SLC39A11: variants seen among roughly 807,000 people sequenced by gnomAD.
SLC39A11 encodes the protein solute carrier family 39 member 11.
A neutral mutation model predicts 36.1 loss-of-function variants in SLC39A11; 33 were observed. That is an observed-to-expected ratio of 0.91 (90% confidence interval 0.69 to 1.22). The LOEUF is 1.22. Ranked by LOEUF, SLC39A11 falls within the 50% of genes most tolerant of loss-of-function variation. SLC39A11 has a pLI of 0.00. For missense variants in SLC39A11, 432 were observed against 430.3 expected (o/e 1.00, Z -0.03); for synonymous variants, 166 against 170.3 (o/e 0.97, Z 0.20).
intron 6 of SLC39A11, among the ~76,000 whole-genome samples, chr17:72,769,776 C>A (rs2075872819): frequency 6.6e-6 from 1 of 152,144 alleles, no homozygotes; most frequent in Admixed American, 6.5e-5. Flanking sequence ...ATCTTTTGAC[C>A]TTGTGATCTG....
intron 5 of SLC39A11, among the ~76,000 whole-genome samples, chr17:72,868,618 C>CAAAAAAA (rs71354894): frequency 6.2e-4 from 35 of 56,470 alleles, no homozygotes; most frequent in Non-Finnish European, 8.3e-4. Context: ...CCTGTCTCTA[C>CAAAAAAA]AAAAAAAAAA....
intron 3 of SLC39A11, among the ~76,000 whole-genome samples, chr17:73,079,369 T>C (rs564323287): frequency 6.6e-6 from 1 of 152,298 alleles, no homozygotes; most frequent in Admixed American, 6.5e-5. Context: ...AGTGCTGGGA[T>C]TACAGGCATA....
At chr17:72,677,753 T>C (rs2071335999) in intron 7 of SLC39A11, among the ~76,000 whole-genome samples, 1 of 152,030 alleles carries the variant, frequency 6.6e-6, no homozygotes, top group Non-Finnish European at 1.5e-5. Context: ...CTCCCTCAAT[T>C]TTGGTCCTCC....
At chr17:72,780,298 A>T (rs1598702542) in intron 6 of SLC39A11, among the ~76,000 whole-genome samples, 1 of 151,886 alleles carries the variant, frequency 6.6e-6, no homozygotes, top group African/African-American at 2.4e-5. Flanking sequence ...TGGTGTAAAC[A>T]CCCTGGCCTC....
chr17:73,022,595 TAAAAAAAAAAA>T (rs10675859), intron 4 of SLC39A11, among the ~76,000 whole-genome samples: 6 of 56,764 alleles, frequency 1.1e-4, no homozygotes, highest in East Asian at 6.7e-4. Context: ...AACTCCATCT[TAAAAAAAAAAA>T]AAAAAAAAAA....
At chr17:73,009,287 T>C (rs1345544453) in intron 4 of SLC39A11, among the ~76,000 whole-genome samples, 1 of 146,656 alleles carries the variant, frequency 6.8e-6, no homozygotes, top group Non-Finnish European at 1.5e-5. Flanking sequence ...GAGAATGGCG[T>C]GAGCTTGCAG....
chr17:72,888,730 C>T (rs1034053158), intron 5 of SLC39A11, among the ~76,000 whole-genome samples: 1 of 151,872 alleles, frequency 6.6e-6, no homozygotes, highest in Non-Finnish European at 1.5e-5. Flanking sequence ...AGCAAGACTC[C>T]ATCTCGATAA....
Position 72,940,884 on chromosome 17 carries a change from A to T in SLC39A11, c.430+6868T>A, listed in dbSNP as rs182432300. Among the ~76,000 whole-genome samples the T allele has an allele frequency of 1.4e-4, 22 of 152,296 alleles. No homozygotes were observed. The East Asian group carries it at 3.1e-3, about 21-fold the overall frequency. ...AAGTCCTAACGCCCAGTACCTAAGA[A>T]TGTAACTGTAAGGGAGATAGGATTT... On this transcript the variant is annotated intron_variant, in intron 5 of 9. Coordinates refer to ENST00000255559, the MANE Select transcript of SLC39A11 (RefSeq NM_139177.4).
intron 5 of SLC39A11, among the ~76,000 whole-genome samples, chr17:72,929,076 C>A (rs551827399): frequency 7.9e-5 from 12 of 152,072 alleles, no homozygotes; most frequent in African/African-American, 2.9e-4. Context: ...GCAAAGGTAC[C>A]CCTTCCTCTA....
rs2074602889 is a variant in SLC39A11, at chr17:72,739,959, A to G, written c.602-3240T>C. ...TCAATTGACACATATTTTGTGTGCT[A>G]TATATATTATATACAGTATTCTTAC... On this transcript the variant is annotated intron_variant, in intron 6 of 9. Coordinates refer to ENST00000255559, the MANE Select transcript of SLC39A11 (RefSeq NM_139177.4). Among the ~76,000 whole-genome samples, 3 of 151,538 alleles carry G rather than the reference A, an allele frequency of 2.0e-5. 1 individual carries two copies. In the South Asian group the frequency reaches 6.2e-4, roughly 31 times the overall value.
chr17:72,678,360 T>C (rs1156685501), intron 7 of SLC39A11, among the ~76,000 whole-genome samples: 1 of 151,862 alleles, frequency 6.6e-6, no homozygotes, highest in Non-Finnish European at 1.5e-5. Flanking sequence ...ACTAAAGAAA[T>C]GTGTAAGAGA....
intron 7 of SLC39A11, among the ~76,000 whole-genome samples, chr17:72,667,617 C>G (rs946117344): frequency 3.3e-5 from 5 of 152,158 alleles, no homozygotes; most frequent in Non-Finnish European, 5.9e-5. Context: ...TTTGCATATG[C>G]TACCAATGCT....
chr17:72,953,671 G>T (rs995984343), intron 4 of SLC39A11, among the ~76,000 whole-genome samples: 1 of 152,182 alleles, frequency 6.6e-6, no homozygotes, highest in African/African-American at 2.4e-5. Flanking sequence ...TACAAAGCAC[G>T]TTGGGTGTCA....
At chr17:72,832,906 G>C (rs142005958) in intron 6 of SLC39A11, among the ~76,000 whole-genome samples, 1 of 152,156 alleles carries the variant, frequency 6.6e-6, no homozygotes, top group Admixed American at 6.5e-5. Flanking sequence ...GGGAAAAATG[G>C]GGCCACCTCA....
chr17:72,761,170 A>G (rs1386471989), intron 6 of SLC39A11, among the ~76,000 whole-genome samples: 1 of 152,082 alleles, frequency 6.6e-6, no homozygotes, highest in Non-Finnish European at 1.5e-5. Context: ...ACTGGAGTGC[A>G]GTGGCATGAT....
intron 3 of SLC39A11, among the ~76,000 whole-genome samples, chr17:73,083,535 C>T (rs34681720): frequency 0.14 from 21,008 of 152,080 alleles, 1,665 homozygotes; most frequent in South Asian, 0.3. Flanking sequence ...CTGCAATACA[C>T]AGCACCATGA....
chr17:72,719,036 G>A (rs1046718718), intron 7 of SLC39A11, among the ~76,000 whole-genome samples: 24 of 151,574 alleles, frequency 1.6e-4, no homozygotes, highest in Middle Eastern at 3.4e-3. Flanking sequence ...CTTAAGAGTT[G>A]AAGACCAGCC....
chr17:72,718,450 A>G (rs1397553443), intron 7 of SLC39A11, among the ~76,000 whole-genome samples: 1 of 152,190 alleles, frequency 6.6e-6, no homozygotes, highest in Non-Finnish European at 1.5e-5. Context: ...GGGGAAAAAA[A>G]GTGTCTGACA....
At chr17:72,683,263 T>C (rs1261958067) in intron 7 of SLC39A11, among the ~76,000 whole-genome samples, 1 of 151,266 alleles carries the variant, frequency 6.6e-6, no homozygotes, top group East Asian at 1.9e-4. Context: ...TACACCCCCA[T>C]GGAAGAAGGA....
Sources: gnomAD v4.1 joint callset for allele counts (sites outside exome capture counted in the v4.1 genomes callset) on GRCh38, gnomAD v4.1.1 for gene constraint, MANE v1.5 for transcripts, NCBI Gene and HGNC (gene_info 2026-07-23, HGNC 2026-07-21) for gene names.